ZFYVE9: variants seen among roughly 807,000 people sequenced by gnomAD.
ZFYVE9 encodes the protein zinc finger FYVE-type containing 9.
A neutral mutation model predicts 126.7 loss-of-function variants in ZFYVE9; 43 were observed. The observed-to-expected ratio is 0.34, with a 90% CI of 0.27 to 0.44. The LOEUF is 0.44. ZFYVE9 is among the 20% of genes least tolerant of loss of function. ZFYVE9 has a pLI of 1.00. For synonymous variants in ZFYVE9, 521 were observed against 597.4 expected, an observed-to-expected ratio of 0.87 and a Z score of 1.87; for missense variants, 1,476 against 1,697.0, an observed-to-expected ratio of 0.87 and a Z score of 2.29.
chr1:52,234,542 A>G (rs1004873692), intron 3 of ZFYVE9, among the ~76,000 whole-genome samples: 2 of 152,242 alleles, frequency 1.3e-5, no homozygotes, highest in Non-Finnish European at 2.9e-5. Context: ...CTTTGATAGC[A>G]GTTGGGAAGA....
chr1:52,228,644 C>G (rs1557468330), intron 2 of ZFYVE9, among the ~76,000 whole-genome samples: 1 of 152,178 alleles, frequency 6.6e-6, no homozygotes, highest in Non-Finnish European at 1.5e-5. Flanking sequence ...CAGGCATCTC[C>G]TAAGAGAACA....
chr1:52,308,105 C>T (rs1173866754), intron 13 of ZFYVE9, among the ~76,000 whole-genome samples: 1 of 152,210 alleles, frequency 6.6e-6, no homozygotes. Flanking sequence ...ATAATTTTAT[C>T]TCCTACAATC....
At chr1:52,201,332 G>C (rs115758115) in intron 1 of ZFYVE9, among the ~76,000 whole-genome samples, 2 of 149,594 alleles carry the variant, frequency 1.3e-5, no homozygotes, top group Non-Finnish European at 3.0e-5. Flanking sequence ...CTTGTATCCT[G>C]TAACCCTGCT....
intron 4 of ZFYVE9, among the ~76,000 whole-genome samples, chr1:52,242,031 CTTTTTTT>C (rs975430437): frequency 9.4e-6 from 1 of 106,440 alleles, no homozygotes; most frequent in South Asian, 3.1e-4. Context: ...TCATGGCAAT[CTTTTTTT>C]TTTTTTTTTT....
chr1:52,175,119 G>A (rs1415398337), intron 1 of ZFYVE9, among the ~76,000 whole-genome samples: 1 of 151,920 alleles, frequency 6.6e-6, no homozygotes, highest in East Asian at 1.9e-4. Flanking sequence ...TTACATTTTG[G>A]CATGATTTTG....
intron 9 of ZFYVE9, among the ~76,000 whole-genome samples, chr1:52,279,281 G>C (rs1325265666): frequency 6.6e-6 from 1 of 152,018 alleles, no homozygotes; most frequent in African/African-American, 2.4e-5. Flanking sequence ...AATTATACAG[G>C]CTACTCAAAT....
chr1:52,179,966 C>G, intron 1 of ZFYVE9: 2 of 1,030,154 alleles, frequency 1.9e-6, no homozygotes, highest in Non-Finnish European at 3.1e-6. Context: ...AGCAGTCAGT[C>G]GTGACAACAT....
Position 52,179,744 on chromosome 1 carries a change from G to A in ZFYVE9, c.-142-36625G>A. 3 of 418,322 alleles carry A rather than the reference G, an allele frequency of 7.2e-6. No homozygotes were observed. The South Asian group carries it at 8.7e-5, about 12-fold the overall frequency. 25.9% of individuals were successfully genotyped at this position (418,322 alleles called of 1,614,324 possible). On this transcript the variant is annotated intron_variant, in intron 1 of 18. Transcript: ENST00000287727. Reference sequence around the variant, plus strand: ...AGTATCAAGTTTTTATAGGAGCGGAGGAGGAGAGTTTTAAAAAAGAGTGTT... The same window carrying A: ...AGTATCAAGTTTTTATAGGAGCGGAAGAGGAGAGTTTTAAAAAAGAGTGTT...
chr1:52,201,548 G>A (rs890656165), intron 1 of ZFYVE9, among the ~76,000 whole-genome samples: 2 of 150,484 alleles, frequency 1.3e-5, no homozygotes, highest in Non-Finnish European at 3.0e-5. Context: ...AGCTAATTTT[G>A]TTGTATTTTT....
intron 1 of ZFYVE9, among the ~76,000 whole-genome samples, chr1:52,211,874 T>C (rs1387620990): frequency 1.3e-5 from 2 of 152,232 alleles, no homozygotes; most frequent in African/African-American, 4.8e-5. Context: ...TCTTCTGTTA[T>C]AAACATGTTC....
intron 2 of ZFYVE9, 93 bp from the exon 3 acceptor site, chr1:52,233,078 A>G (rs1645239201): frequency 2.2e-6 from 1 of 456,982 alleles, no homozygotes; most frequent in Admixed American, 4.6e-5. Context: ...ATTATCTGGA[A>G]AGATTTATAA....
At chr1:52,292,171 A>G (rs1392444681) in intron 10 of ZFYVE9, among the ~76,000 whole-genome samples, 1 of 149,816 alleles carries the variant, frequency 6.7e-6, no homozygotes, top group Non-Finnish European at 1.5e-5. Flanking sequence ...AATTGTAGCT[A>G]TTCAGGAGGC....
intron 1 of ZFYVE9, among the ~76,000 whole-genome samples, chr1:52,179,013 AG>A (rs1310865279): frequency 6.6e-6 from 1 of 152,134 alleles, no homozygotes; most frequent in Non-Finnish European, 1.5e-5. Flanking sequence ...TTTGTTGCCC[AG>A]GGTGGTCTTG....
chr1:52,317,681 AT>A (rs1208997484), intron 13 of ZFYVE9, among the ~76,000 whole-genome samples: 3 of 152,216 alleles, frequency 2.0e-5, no homozygotes, highest in African/African-American at 7.2e-5. Context: ...GAGCAATAAA[AT>A]TGATAAACCT....
intron 1 of ZFYVE9, among the ~76,000 whole-genome samples, chr1:52,201,755 AT>A (rs973408051): frequency 3.2e-4 from 48 of 151,182 alleles, no homozygotes; most frequent in African/African-American, 1.1e-3. Context: ...CTTCAAAGCA[AT>A]TTTTAAAAAA....
Position 52,178,451 on chromosome 1 carries a change from C to T in ZFYVE9, c.-143+36048C>T, listed in dbSNP as rs185600622. 1.0e-3 allele frequency among the ~76,000 whole-genome samples: 157 copies of T among 151,712 alleles called. 2 individuals are homozygous for T. The highest frequency in any genetic ancestry group is 3.4e-3 in the Middle Eastern group (1 of 292). On this transcript the variant is annotated intron_variant, in intron 1 of 18. Transcript: ENST00000287727. ...GATTCAAGTGATTCTCTTGCCTCGG[C>T]CTCCTGAGTAGCTAGGACCCAGGCA...
intron 8 of ZFYVE9, among the ~76,000 whole-genome samples, chr1:52,275,748 G>T (rs1645741740): frequency 1.3e-5 from 2 of 151,904 alleles, no homozygotes; most frequent in African/African-American, 4.8e-5. Flanking sequence ...CTTTTAACTG[G>T]TCTCCTTGCC....
chr1:52,152,144 C>G (rs1232208007), intron 1 of ZFYVE9, among the ~76,000 whole-genome samples: 1 of 151,934 alleles, frequency 6.6e-6, no homozygotes, highest in Non-Finnish European at 1.5e-5. Context: ...CATGCACCAC[C>G]ATGTCTGGCT....
At chr1:52,277,219 G>A (rs1261290298) in intron 8 of ZFYVE9, among the ~76,000 whole-genome samples, 1 of 146,050 alleles carries the variant, frequency 6.8e-6, no homozygotes, top group Non-Finnish European at 1.5e-5. Context: ...CCTATTGTTA[G>A]TAAAATTATC....
Sources: allele counts gnomAD v4.1 joint callset (sites outside exome capture counted in the v4.1 genomes callset), GRCh38; gene constraint gnomAD v4.1.1; transcripts MANE v1.5; gene names NCBI Gene and HGNC (gene_info 2026-07-23, HGNC 2026-07-21).